MANEAL: variants seen among roughly 807,000 people sequenced by gnomAD.
MANEAL encodes glycoprotein endo-alpha-1,2-mannosidase-like protein.
MANEAL carries 28 observed loss-of-function variants against 35.9 expected under a neutral mutation model. The observed-to-expected ratio is 0.78, with a 90% CI of 0.58 to 1.07. The LOEUF is 1.07. Among genes scored for constraint, MANEAL ranks in the 50% least tolerant of loss-of-function variants. The pLI, the probability that MANEAL is intolerant of heterozygous loss-of-function variation, is 0.00. For missense variants in MANEAL, 576 were observed against 629.6 expected (o/e 0.91, Z 0.91); for synonymous variants, 286 against 272.2 (o/e 1.05, Z -0.50).
At chr1:37,797,332 C>T (rs528881619) in intron 3 of MANEAL, among the ~76,000 whole-genome samples, 8 of 151,464 alleles carry the variant, frequency 5.3e-5, no homozygotes, top group African/African-American at 1.5e-4. Flanking sequence ...ATCTGGGAGG[C>T]GGAGGTTGCA....
intron 3 of MANEAL, among the ~76,000 whole-genome samples, chr1:37,798,756 A>C (rs1330167604): frequency 6.8e-6 from 1 of 147,894 alleles, no homozygotes; most frequent in Non-Finnish European, 1.5e-5. Flanking sequence ...AAGAAAAAAA[A>C]GCCCAGGCCC....
At position 37,795,748 on chromosome 1, in the gene MANEAL, C is replaced by A. The variant is rs1162803489; in HGVS notation, c.562C>A (p.Leu188Met). 6.2e-7 allele frequency: 1 copy of A among 1,614,168 alleles called. No individual in the cohort carries two copies. The highest frequency in any genetic ancestry group is 1.3e-5 in the African/African-American group (1 of 75,046). The change falls in exon 2 of 4, where the codon CTG (leucine) becomes ATG (methionine). Residue 188 changes from leucine to methionine, a missense_variant. Leu to Met is a conservative substitution (Grantham distance 15). Transcript: ENST00000373045. ...LKEAAIGVLV[L>M]SWYPPGMADD... is the part of the protein sequence containing the mutation. Reference sequence around the variant, plus strand: ...GTGTTGCGTCTCAGGCGTCCTGGTCCTGTCCTGGTACCCACCTGGCATGGC... The same window carrying A: ...GTGTTGCGTCTCAGGCGTCCTGGTCATGTCCTGGTACCCACCTGGCATGGC...
rs200128407 is a variant in MANEAL at position 37,800,223 on chromosome 1, G to A, written c.*20G>A. 1.2e-6 allele frequency: 2 copies of A among 1,607,924 alleles called. No homozygotes were observed. Among genetic ancestry groups the A allele is most frequent in the African/African-American group, 1.3e-5 (1 of 74,988 alleles). On this transcript the variant is annotated 3_prime_UTR_variant, in exon 4 of 4. Coordinates refer to ENST00000373045, the MANE Select transcript of MANEAL (RefSeq NM_001113482.2). ...ATGTGAGGGGCCTGTAAATGGGCGT[G>A]AGGTGCTGATGTCCTTGCCTTGCTG...
At chr1:37,795,583 G>T (rs1021661006) in intron 1 of MANEAL, 154 bp from the exon 2 acceptor site, 4 of 1,458,886 alleles carry the variant, frequency 2.7e-6, no homozygotes, top group Admixed American at 2.5e-5. Context: ...GGGGCGCGAG[G>T]CTCTGGGACT....
At chr1:37,797,671 T>G (rs1213811954) in intron 3 of MANEAL, among the ~76,000 whole-genome samples, 2 of 151,894 alleles carry the variant, frequency 1.3e-5, no homozygotes, top group Non-Finnish European at 2.9e-5. Context: ...CTGGGCGTGG[T>G]GATGCACAGC....
At position 37,794,297 on chromosome 1, in the gene MANEAL, G is replaced by T; in HGVS notation, c.115G>T (p.Gly39Cys). Residue 39 changes from glycine to cysteine, a missense_variant, in exon 1 of 4, where the codon GGC becomes TGC. Gly to Cys is a radical substitution (Grantham distance 159). This residue lies in a region of MANEAL where 122 missense variants were observed against 97.2 expected (regional missense o/e 1.26). Coordinates refer to ENST00000373045, the MANE Select transcript of MANEAL (RefSeq NM_001113482.2). The surrounding 1 kb of genome is among the most constrained non-coding windows in gnomAD (Gnocchi z 5.7). ...LKAPDGLPAL[G>C]PGLELAPFER... The stretch of plus-strand genomic sequence containing the variant: ...GGCTCCGGACGGACTCCCGGCGCTG[G>T]GCCCGGGCCTGGAGCTGGCGCCCTT... 3 of 1,217,284 alleles carry T rather than the reference G, an allele frequency of 2.5e-6. No individual in the cohort carries two copies. Among genetic ancestry groups the T allele is most frequent in the Non-Finnish European group, 3.1e-6 (3 of 968,844 alleles). 75.4% of individuals were successfully genotyped at this position (1,217,284 alleles called of 1,614,324 possible).
chr1:37,794,171 G>A lies in MANEAL; in HGVS notation c.-12G>A. 5 of 1,222,278 alleles carry A rather than the reference G, an allele frequency of 4.1e-6. No individual in the cohort carries two copies. Among genetic ancestry groups the A allele is most frequent in the South Asian group, 4.1e-5 (2 of 49,104 alleles). 75.7% of individuals were successfully genotyped at this position (1,222,278 alleles called of 1,614,324 possible). ...GAGGTAGCGCGGCGGCTGCAGGAGC[G>A]CACAGTCGGCCATGGCCCGGCGGCG... On this transcript the variant is annotated 5_prime_UTR_variant, in exon 1 of 4. Transcript: ENST00000373045. This position sits in a 1 kb window ranked among gnomAD's most constrained non-coding sequence, Gnocchi z 5.7.
In MANEAL at chr1:37,794,822, C is replaced by G. The variant is rs1257898685; in HGVS notation, c.550+90C>G. 6 of 868,856 alleles carry G rather than the reference C, an allele frequency of 6.9e-6. No individual in the cohort carries two copies. The Admixed American group carries it at 1.5e-4, about 21-fold the overall frequency. The allele number at this position is 868,856 out of a possible 1,614,324, so 53.8% of individuals were successfully genotyped here. ...AGCTCCCTCTGGTCCTGTCACCGGC[C>G]CTTTGGTCCCACTTATCCGCCAGCC... is the stretch of plus-strand genomic sequence containing the variant. On this transcript the variant is annotated intron_variant, in intron 1 of 3. Coordinates refer to ENST00000373045, the MANE Select transcript of MANEAL (RefSeq NM_001113482.2). The surrounding 1 kb of genome is among the most constrained non-coding windows in gnomAD (Gnocchi z 5.7).
chr1:37,800,136 T>C lies in MANEAL; in HGVS notation c.1307T>C (p.Leu436Pro). Residue 436 changes from leucine (L) to proline (P), a missense_variant, in exon 4 of 4, where the codon CTG becomes CCG. Transcript: ENST00000373045. The stretch of plus-strand genomic sequence containing the variant: ...GACTACCTGCCTCACCAGCCCAGCC[T>C]GTACCTGGAGCTGACACGCCGCTGG... Reference protein sequence around the residue: ...YLDYLPHQPSLYLELTRRWAE... With the variant: ...YLDYLPHQPSPYLELTRRWAE... The C allele has an allele frequency of 6.2e-7, 1 of 1,614,006 alleles. No homozygotes were observed. The highest frequency in any genetic ancestry group is 8.5e-7 in the Non-Finnish European group (1 of 1,180,024).
Position 37,794,327 on chromosome 1 carries a change from C to A in MANEAL, c.145C>A (p.Arg49=). 1 of 1,122,374 alleles carries A rather than the reference C, an allele frequency of 8.9e-7. No homozygotes were observed. Among genetic ancestry groups the A allele is most frequent in the South Asian group, 3.5e-5 (1 of 28,828 alleles). 69.5% of individuals were successfully genotyped at this position (1,122,374 alleles called of 1,614,324 possible). The change falls in exon 1 of 4, where the codon CGA becomes AGA. Residue 49 remains arginine (R), a synonymous_variant. Coordinates refer to ENST00000373045, the MANE Select transcript of MANEAL (RefSeq NM_001113482.2). The surrounding 1 kb of genome is among the most constrained non-coding windows in gnomAD (Gnocchi z 5.7). The stretch of plus-strand genomic sequence containing the variant: ...GGGCCTGGAGCTGGCGCCCTTTGAG[C>A]GACGCCCAGAGGGGGCCCCCGCGCC... ...GPGLELAPFE[R]RPEGAPAPAA...
At chr1:37,797,870 G>T (rs1233979696) in intron 3 of MANEAL, among the ~76,000 whole-genome samples, 1 of 152,110 alleles carries the variant, frequency 6.6e-6, no homozygotes, top group Admixed American at 6.5e-5. Context: ...GGGATTACAG[G>T]TGTGAACCAC....
rs1018658121 is a variant in MANEAL, at chr1:37,794,204, G to A, written c.22G>A (p.Ala8Thr). Residue 8 changes from alanine to threonine, a missense_variant, in exon 1 of 4, where the codon GCC (alanine) becomes ACC (threonine). Around this residue, in one of 3 missense-constraint regions of MANEAL, gnomAD observed 122 missense variants for 97.2 expected, o/e 1.26. Coordinates refer to ENST00000373045, the MANE Select transcript of MANEAL (RefSeq NM_001113482.2). The surrounding 1 kb of genome is among the most constrained non-coding windows in gnomAD (Gnocchi z 5.7). ...GGCCATGGCCCGGCGGCGGCGCCGC[G>A]CCTGCATCGCTCTGTTCCTGGTGCT... Reference protein sequence around the residue: MARRRRRACIALFLVLLF... With the variant: MARRRRRTCIALFLVLLF... The A allele has an allele frequency of 1.8e-5, 23 of 1,299,630 alleles. No homozygotes were observed. In the Admixed American group the frequency reaches 5.0e-4, roughly 28 times the overall value. 80.5% of individuals were successfully genotyped at this position (1,299,630 alleles called of 1,614,324 possible). A position where few individuals can be genotyped will look rare whatever the true frequency, so the allele number is the denominator to read the frequency against.
chr1:37,796,686 A>T (rs1217356415), intron 2 of MANEAL, 58 bp from the exon 3 acceptor site: 4 of 1,468,966 alleles, frequency 2.7e-6, no homozygotes, highest in Non-Finnish European at 3.7e-6. Flanking sequence ...CCTGAGCCTG[A>T]TATGTTGTGG....
rs1362482243 is a variant in MANEAL, at chr1:37,800,022, TC to T, written c.1194del (p.Ile398MetfsTer43). The T allele has an allele frequency of 6.2e-7, 1 of 1,613,852 alleles. No homozygotes were observed. Among genetic ancestry groups the T allele is most frequent in the Admixed American group, 1.7e-5 (1 of 59,978 alleles). On this transcript the variant is annotated frameshift_variant, in exon 4 of 4. Transcript: ENST00000373045. LOFTEE classifies it high-confidence loss of function. ...LQAALTVRPE[I>X]VSITSFNEWH... is the part of the protein sequence containing the mutation. ...GCGGCCCTGACAGTGAGGCCCGAGA[TC>T]GTTTCCATTACCTCCTTCAATGAGT...
chr1:37,794,659 G>A lies in MANEAL; in HGVS notation c.477G>A (p.Glu159=). The part of the protein sequence containing the change: ...PDDLGSSFYP[E]LGPYSSRDPE... ...ACTTGGGCTCCAGCTTCTACCCGGA[G>A]CTGGGGCCCTACAGCTCCCGGGACC... Residue 159 remains glutamate (E), a synonymous_variant, in exon 1 of 4, where the codon GAG becomes GAA. Coordinates refer to ENST00000373045, the MANE Select transcript of MANEAL (RefSeq NM_001113482.2). The surrounding 1 kb of genome is among the most constrained non-coding windows in gnomAD (Gnocchi z 5.7). 1 of 1,610,392 alleles carries A rather than the reference G, an allele frequency of 6.2e-7. No individual in the cohort carries two copies. Among genetic ancestry groups the A allele is most frequent in the Non-Finnish European group, 8.5e-7 (1 of 1,179,074 alleles).
At position 37,799,734 on chromosome 1, in the gene MANEAL, T is replaced by C; in HGVS notation, c.905T>C (p.Ile302Thr). Residue 302 changes from isoleucine (I) to threonine (T), a missense_variant, in exon 4 of 4, where the codon ATA becomes ACA. Ile to Thr is a moderately conservative substitution (Grantham distance 89). Around this residue, in one of 3 missense-constraint regions of MANEAL, gnomAD observed 449 missense variants for 516.1 expected, o/e 0.87. Coordinates refer to ENST00000373045, the MANE Select transcript of MANEAL (RefSeq NM_001113482.2). This position sits in a 1 kb window ranked among gnomAD's most constrained non-coding sequence, Gnocchi z 4.1. ...AACACGCCCTACGATGGGGTCTTCA[T>C]AGCGCTGCTGGTGGAGGAGGGCCAC... ...IRNTPYDGVF[I>T]ALLVEEGHTH... The C allele has an allele frequency of 6.2e-7, 1 of 1,614,238 alleles. No individual in the cohort carries two copies. Among genetic ancestry groups the C allele is most frequent in the Non-Finnish European group, 8.5e-7 (1 of 1,180,036 alleles).
In MANEAL at chr1:37,800,355, G is replaced by A; in HGVS notation, c.*152G>A. The A allele has an allele frequency of 2.3e-6, 2 of 867,324 alleles. No homozygotes were observed. The highest frequency in any genetic ancestry group is 3.5e-5 in the South Asian group (2 of 57,702). 53.7% of individuals were successfully genotyped at this position (867,324 alleles called of 1,614,324 possible). On this transcript the variant is annotated 3_prime_UTR_variant, in exon 4 of 4. Coordinates refer to ENST00000373045, the MANE Select transcript of MANEAL (RefSeq NM_001113482.2). The stretch of plus-strand genomic sequence containing the variant: ...TGGGTGGGCCGTCAGGCATGGGCCT[G>A]TGCAACACAGAGCCCGTTCCTCAGG...
At position 37,800,071 on chromosome 1, in the gene MANEAL, G is replaced by A; in HGVS notation, c.1242G>A (p.Glu414=). ...AGTGGCACGAGGGCACCCAGATTGA[G>A]AAGGCCATTCCCAAGAAGACACCCA... is the stretch of plus-strand genomic sequence containing the variant. ...FNEWHEGTQI[E]KAIPKKTPTR... is the part of the protein sequence containing the mutation. The change falls in exon 4 of 4, where the codon GAG becomes GAA. Residue 414 remains glutamate (E), a synonymous_variant. Coordinates refer to ENST00000373045, the MANE Select transcript of MANEAL (RefSeq NM_001113482.2). The A allele has an allele frequency of 6.2e-7, 1 of 1,614,186 alleles. No individual in the cohort carries two copies. Among genetic ancestry groups the A allele is most frequent in the Non-Finnish European group, 8.5e-7 (1 of 1,180,042 alleles).
chr1:37,799,925 A>G lies in MANEAL; in HGVS notation c.1096A>G (p.Ser366Gly), dbSNP rs200921477. ...PSVGPGYIDT[S>G]IRPWNNHNTR... ...TGTGGGGCCTGGCTACATAGACACC[A>G]GCATTCGGCCCTGGAACAACCACAA... The change falls in exon 4 of 4, where the codon AGC becomes GGC. Residue 366 changes from serine (S) to glycine (G), a missense_variant. By Grantham distance (56) the Ser-to-Gly change is moderately conservative (BLOSUM62 0). Transcript: ENST00000373045. The surrounding 1 kb of genome is among the most constrained non-coding windows in gnomAD (Gnocchi z 4.1). 3.7e-6 allele frequency: 6 copies of G among 1,614,116 alleles called. No homozygotes were observed. Among genetic ancestry groups the G allele is most frequent in the Non-Finnish European group, 3.4e-6 (4 of 1,180,046 alleles).
Sources: allele counts gnomAD v4.1 joint callset (sites outside exome capture counted in the v4.1 genomes callset), GRCh38; gene constraint gnomAD v4.1.1; regional missense constraint gnomAD v4.1.1; non-coding constraint Gnocchi (gnomAD v3.1); transcripts MANE v1.5; gene names NCBI Gene and HGNC (gene_info 2026-07-23, HGNC 2026-07-21).